The following LRRC49 variants were observed in gnomAD, a reference collection of about 807,000 sequenced individuals.
LRRC49 encodes leucine-rich repeat-containing protein 49.
LRRC49 carries 50 observed loss-of-function variants against 83.3 expected under a neutral mutation model. That is an observed-to-expected ratio of 0.60 (90% CI 0.48 to 0.76). The LOEUF (loss-of-function observed/expected upper bound fraction) is 0.76, where lower values mean the gene tolerates loss of function less well. Among genes scored for constraint, LRRC49 ranks in the 30% least tolerant of loss-of-function variants. LRRC49 has a pLI of 0.00. For synonymous variants in LRRC49, 286 were observed against 283.3 expected, an observed-to-expected ratio of 1.01 and a Z score of -0.10; for missense variants, 704 against 809.1, an observed-to-expected ratio of 0.87 and a Z score of 1.58.
In LRRC49 at chr15:71,008,397, C is replaced by A; in HGVS notation, c.1188C>A (p.Leu396=). ...PEETGPLDSG[L]NNALQGLSVI... ...TTTCCAGGCCTCTAGACTCAGGACT[C>A]AACAATGCTTTACAAGGTTTATCTG... Residue 396 remains leucine (L), a synonymous_variant, in exon 12 of 16, where the codon CTC becomes CTA. Coordinates refer to ENST00000260382, the MANE Select transcript of LRRC49 (RefSeq NM_017691.5). The A allele has an allele frequency of 1.2e-6, 2 of 1,612,292 alleles. No individual in the cohort carries two copies. The highest frequency in any genetic ancestry group is 1.3e-5 in the African/African-American group (1 of 74,948).
chr15:70,864,532 C>T (rs1039203712), intron 1 of LRRC49, among the ~76,000 whole-genome samples: 4 of 152,174 alleles, frequency 2.6e-5, no homozygotes, highest in Non-Finnish European at 4.4e-5. Flanking sequence ...GCCCTCACTC[C>T]CTCTGCTCTG....
intron 8 of LRRC49, among the ~76,000 whole-genome samples, chr15:70,940,525 G>T (rs566903716): frequency 6.6e-6 from 1 of 152,292 alleles, no homozygotes; most frequent in African/African-American, 2.4e-5. Flanking sequence ...TTACAGGCGT[G>T]AGCCACTGCG....
At chr15:70,904,792 A>T in intron 5 of LRRC49, 37 bp downstream of exon 5, 1 of 1,449,126 alleles carries the variant, frequency 6.9e-7, no homozygotes, top group Non-Finnish European at 9.6e-7. Context: ...GCCTAATGTT[A>T]TGTGTAGGAT....
At chr15:70,928,696 G>A (rs1249021556) in intron 7 of LRRC49, among the ~76,000 whole-genome samples, 1 of 152,094 alleles carries the variant, frequency 6.6e-6, no homozygotes, top group Non-Finnish European at 1.5e-5. Context: ...CTCCCGAGTA[G>A]CTGGGATTAC....
intron 6 of LRRC49, among the ~76,000 whole-genome samples, chr15:70,917,599 G>A (rs1170209071): frequency 1.3e-5 from 2 of 152,136 alleles, no homozygotes; most frequent in African/African-American, 4.8e-5. Context: ...TGCAAAGAGG[G>A]GCTGCCCTTT....
At chr15:71,015,539 A>G (rs1028454709) in intron 14 of LRRC49, among the ~76,000 whole-genome samples, 2 of 152,138 alleles carry the variant, frequency 1.3e-5, no homozygotes, top group Non-Finnish European at 2.9e-5. Context: ...ACCACCTGCT[A>G]TGTGGCCCGG....
At chr15:71,036,593 A>G (rs1353563007) in intron 14 of LRRC49, among the ~76,000 whole-genome samples, 2 of 152,154 alleles carry the variant, frequency 1.3e-5, no homozygotes, top group East Asian at 1.9e-4. Context: ...TATGAGCACT[A>G]TGTATGTTCC....
chr15:70,981,081 A>G (rs1055004263), intron 10 of LRRC49, among the ~76,000 whole-genome samples: 7 of 152,154 alleles, frequency 4.6e-5, no homozygotes, highest in African/African-American at 1.7e-4. Context: ...ATTTTTAGTA[A>G]GAGGAAAAGC....
chr15:71,041,048 C>T (rs1230202739), intron 15 of LRRC49, among the ~76,000 whole-genome samples: 1 of 152,094 alleles, frequency 6.6e-6, no homozygotes. Flanking sequence ...TAGAAGAGGA[C>T]TCTGAGCTTC....
intron 14 of LRRC49, among the ~76,000 whole-genome samples, chr15:71,016,523 AG>A (rs2038832954): frequency 6.6e-6 from 1 of 152,114 alleles, no homozygotes; most frequent in Non-Finnish European, 1.5e-5. Flanking sequence ...TAAAGATAAT[AG>A]CAGCTTCTAA....
At chr15:70,957,811 A>G (rs1422136459) in intron 8 of LRRC49, among the ~76,000 whole-genome samples, 1 of 152,240 alleles carries the variant, frequency 6.6e-6, no homozygotes, top group African/African-American at 2.4e-5. Flanking sequence ...TTTGAAATGT[A>G]TCTTAATGGC....
At chr15:70,955,101 A>C (rs1366811317) in intron 8 of LRRC49, among the ~76,000 whole-genome samples, 1 of 152,140 alleles carries the variant, frequency 6.6e-6, no homozygotes, top group East Asian at 1.9e-4. Flanking sequence ...TCTGGCTGGA[A>C]ATGCCGCAGG....
intron 7 of LRRC49, among the ~76,000 whole-genome samples, chr15:70,925,360 A>G (rs1441582910): frequency 6.6e-6 from 1 of 152,144 alleles, no homozygotes; most frequent in Non-Finnish European, 1.5e-5. Flanking sequence ...ATTATTTTTC[A>G]TTGGAAGAAT....
chr15:70,916,131 T>C (rs1307717529), intron 6 of LRRC49, among the ~76,000 whole-genome samples: 1 of 152,188 alleles, frequency 6.6e-6, no homozygotes, highest in Non-Finnish European at 1.5e-5. Context: ...TTCTATTTTG[T>C]GTCATGCAGA....
intron 9 of LRRC49, among the ~76,000 whole-genome samples, chr15:70,979,316 C>T (rs1299862386): frequency 6.6e-6 from 1 of 152,002 alleles, no homozygotes; most frequent in African/African-American, 2.4e-5. Context: ...TTTGTCATTT[C>T]TACTTTTTCC....
intron 11 of LRRC49, among the ~76,000 whole-genome samples, chr15:71,002,512 GT>G (rs564123262): frequency 4.0e-4 from 59 of 147,678 alleles, no homozygotes; most frequent in Middle Eastern, 3.4e-3. Context: ...TTGGTGTAAT[GT>G]TTTTTTTTTG....
In LRRC49 at chr15:70,892,854, T is replaced by G. The variant is rs749757035; in HGVS notation, c.-41T>G. ...TTTGAATCTCCGCTGTAGCGTCACC[T>G]GGAAGGCAGATCTAACAGAGAACCT... On this transcript the variant is annotated 5_prime_UTR_variant, in exon 1 of 16. Coordinates refer to ENST00000260382, the MANE Select transcript of LRRC49 (RefSeq NM_017691.5). 24 of 1,614,072 alleles carry G rather than the reference T, an allele frequency of 1.5e-5. No homozygotes were observed. In the Admixed American group the frequency reaches 3.8e-4, roughly 26 times the overall value.
intron 10 of LRRC49, among the ~76,000 whole-genome samples, chr15:70,983,051 A>G (rs2037461710): frequency 1.3e-5 from 2 of 152,282 alleles, no homozygotes; most frequent in African/African-American, 4.8e-5. Flanking sequence ...TGATTTTTCA[A>G]TGCAGGATTG....
intron 13 of LRRC49, among the ~76,000 whole-genome samples, chr15:71,011,826 T>C (rs1308020185): frequency 1.3e-5 from 2 of 152,126 alleles, no homozygotes; most frequent in African/African-American, 4.8e-5. Context: ...TTGTGAATTA[T>C]TGGTTTGTTT....
Sources: allele counts gnomAD v4.1 joint callset (sites outside exome capture counted in the v4.1 genomes callset), GRCh38; gene constraint gnomAD v4.1.1; transcripts MANE v1.5; gene names NCBI Gene and HGNC (gene_info 2026-07-23, HGNC 2026-07-21).